BAP1: variants seen among roughly 807,000 people sequenced by gnomAD.
The protein encoded by BAP1 is ubiquitin carboxyl-terminal hydrolase BAP1.
BAP1 carries 16 observed loss-of-function variants against 77.2 expected under a neutral mutation model. The observed-to-expected ratio is 0.21, with a 90% CI of 0.14 to 0.31. BAP1 has a LOEUF of 0.31. Among genes scored for constraint, BAP1 ranks in the 10% least tolerant of loss-of-function variants. The pLI, the probability that BAP1 is intolerant of heterozygous loss-of-function variation, is 1.00. For synonymous variants in BAP1, 362 were observed against 385.2 expected (o/e 0.94, Z 0.71); for missense variants, 699 against 967.3 (o/e 0.72, Z 3.68).
chr3:52,409,827 C>G lies in BAP1; in HGVS notation c.37+15G>C, dbSNP rs772162010. The G allele has an allele frequency of 5.6e-6, 9 of 1,612,610 alleles. No individual in the cohort carries two copies. The South Asian group carries it at 6.6e-5, about 12-fold the overall frequency. On this transcript the variant is annotated intron_variant, in intron 1 of 16. Coordinates refer to ENST00000460680, the MANE Select transcript of BAP1 (RefSeq NM_004656.4). ...CGGCCTCCCCAGCCCCTGGCCCTCC[C>G]GGTCCCCTCCTCACCTGGGTCGCTC...
rs758650064 is a variant in BAP1 at position 52,406,840 on chromosome 3, G to A, written c.648C>T (p.Leu216=). 42 of 1,557,918 alleles carry A rather than the reference G, an allele frequency of 2.7e-5. No individual in the cohort carries two copies. The highest frequency in any genetic ancestry group is 9.5e-5 in the African/African-American group (7 of 73,438). The part of the protein sequence containing the change: ...ARRVIMERIG[L]ATAGEPYHDI... The stretch of plus-strand genomic sequence containing the variant: ...CACAGGGCCCTTACCCTGCAGTGGC[G>A]AGGCCGATACGCTCCATGATGACCC... The change falls in exon 8 of 17, where the codon CTC becomes CTT. Residue 216 remains leucine, a synonymous_variant. Coordinates refer to ENST00000460680, the MANE Select transcript of BAP1 (RefSeq NM_004656.4). The surrounding 1 kb of genome is among the most constrained non-coding windows in gnomAD (Gnocchi z 4.6).
At chr3:52,407,541 C>T in intron 5 of BAP1, 81 bp from the exon 6 acceptor site, 1 of 1,580,482 alleles carries the variant, frequency 6.3e-7, no homozygotes. Context: ...CTTCAGAGAG[C>T]AGCCTGGAGG....
At position 52,407,476 on chromosome 3, in the gene BAP1, T is replaced by C. The variant is rs967185176; in HGVS notation, c.376-16A>G. 1 of 1,613,956 alleles carries C rather than the reference T, an allele frequency of 6.2e-7. No individual in the cohort carries two copies. Among genetic ancestry groups the C allele is most frequent in the Non-Finnish European group, 8.5e-7 (1 of 1,179,994 alleles). On this transcript the variant is annotated splice_polypyrimidine_tract_variant and intron_variant, in intron 5 of 16. Coordinates refer to ENST00000460680, the MANE Select transcript of BAP1 (RefSeq NM_004656.4). ...ATCCTTTGCTCTACGGGGAAGAAAA[T>C]AAGGCCGTATCAGAATAATTTCTCC...
rs897581064 is a variant in BAP1, at chr3:52,406,950, G to A, written c.581-43C>T. On this transcript the variant is annotated intron_variant, in intron 7 of 16. Transcript: ENST00000460680. This position sits in a 1 kb window ranked among gnomAD's most constrained non-coding sequence, Gnocchi z 4.6. ...AAGGAATCAGCGAGAAGGAAACCCT[G>A]AGTTTGGGCAGGCCAGGAGTGGGAA... The A allele has an allele frequency of 1.3e-6, 2 of 1,552,188 alleles. No homozygotes were observed. Among genetic ancestry groups the A allele is most frequent in the Non-Finnish European group, 1.7e-6 (2 of 1,145,164 alleles).
chr3:52,409,831 C>T lies in BAP1; in HGVS notation c.37+11G>A, dbSNP rs371197982. ...CTCCCCAGCCCCTGGCCCTCCCGGTCCCCTCCTCACCTGGGTCGCTCTCCA... is the reference window on the plus strand; with the variant it reads ...CTCCCCAGCCCCTGGCCCTCCCGGTTCCCTCCTCACCTGGGTCGCTCTCCA... On this transcript the variant is annotated intron_variant, in intron 1 of 16. Transcript: ENST00000460680. 2.5e-6 allele frequency: 4 copies of T among 1,612,388 alleles called. No individual in the cohort carries two copies. In the African/African-American group the frequency reaches 5.3e-5, roughly 22 times the overall value.
rs1705152342 is a variant in BAP1, at chr3:52,406,218, G to A, written c.783+35C>T. ...AGGGAGGAGGAATGCAGGGAGGGTT[G>A]GGCTGGGCAGAGGCCAGGAAGAAAG... On this transcript the variant is annotated intron_variant, in intron 9 of 16. Coordinates refer to ENST00000460680, the MANE Select transcript of BAP1 (RefSeq NM_004656.4). The surrounding 1 kb of genome is among the most constrained non-coding windows in gnomAD (Gnocchi z 4.6). The A allele has an allele frequency of 6.2e-7, 1 of 1,613,822 alleles. No homozygotes were observed. Among genetic ancestry groups the A allele is most frequent in the Non-Finnish European group, 8.5e-7 (1 of 1,179,944 alleles).
rs2153226490 is a variant in BAP1, at chr3:52,403,244, G to C, written c.1784C>G (p.Ser595Cys). 1 of 1,614,104 alleles carries C rather than the reference G, an allele frequency of 6.2e-7. No individual in the cohort carries two copies. Among genetic ancestry groups the C allele is most frequent in the Non-Finnish European group, 8.5e-7 (1 of 1,180,022 alleles). ...GACCTCCTTCTCCACTGGGCTGCTG[G>C]ACCCCTGGCTGCCTTGGATTGGTCT... is the stretch of plus-strand genomic sequence containing the variant. ...SIRPIQGSQG[S>C]SSPVEKEVVE... is the part of the protein sequence containing the mutation. The change falls in exon 14 of 17, where the codon TCC (serine) becomes TGC (cysteine). Residue 595 changes from serine (S) to cysteine (C), a missense_variant. This residue lies in a region of BAP1 where 475 missense variants were observed against 532.4 expected (regional missense o/e 0.89). Coordinates refer to ENST00000460680, the MANE Select transcript of BAP1 (RefSeq NM_004656.4). The surrounding 1 kb of genome is among the most constrained non-coding windows in gnomAD (Gnocchi z 4.0).
Position 52,406,680 on chromosome 3 carries a change from G to A in BAP1, c.659+149C>T. On this transcript the variant is annotated intron_variant, in intron 8 of 16. Transcript: ENST00000460680. This position sits in a 1 kb window ranked among gnomAD's most constrained non-coding sequence, Gnocchi z 4.6. ...CACAGGCAGCCCAGGCAGGAAATAA[G>A]ACAACAAGTTGAGAACCCATGATCT... is the stretch of plus-strand genomic sequence containing the variant. 2.0e-6 allele frequency: 2 copies of A among 1,025,354 alleles called. No individual in the cohort carries two copies. The highest frequency in any genetic ancestry group is 2.9e-6 in the Non-Finnish European group (2 of 690,446). The allele number at this position is 1,025,354 out of a possible 1,614,324, so 63.5% of individuals were successfully genotyped here. A position where few individuals can be genotyped will look rare whatever the true frequency, so the allele number is the denominator to read the frequency against.
At position 52,409,623 on chromosome 3, in the gene BAP1, G is replaced by C. The variant is rs141802003; in HGVS notation, c.68-15C>G. ...CCCCTTGACACCTGCGATGAGGAAA[G>C]GAAAGCAGTAGGGAAGGACAGCCCC... On this transcript the variant is annotated splice_polypyrimidine_tract_variant and intron_variant, in intron 2 of 16. Coordinates refer to ENST00000460680, the MANE Select transcript of BAP1 (RefSeq NM_004656.4). 1.2e-6 allele frequency: 2 copies of C among 1,614,208 alleles called. No homozygotes were observed. The highest frequency in any genetic ancestry group is 1.7e-6 in the Non-Finnish European group (2 of 1,180,034).
chr3:52,406,997 G>C lies in BAP1; in HGVS notation c.581-90C>G. 6.7e-7 allele frequency: 1 copy of C among 1,496,694 alleles called. No individual in the cohort carries two copies. Among genetic ancestry groups the C allele is most frequent in the South Asian group, 1.2e-5 (1 of 83,640 alleles). 92.7% of individuals were successfully genotyped at this position (1,496,694 alleles called of 1,614,324 possible). ...GGAAGGAAGACAGAGAAGAGCAGTT[G>C]AGCCAGGGAATCAGGAGCTGGTCGG... is the stretch of plus-strand genomic sequence containing the variant. On this transcript the variant is annotated intron_variant, in intron 7 of 16. Transcript: ENST00000460680. This position sits in a 1 kb window ranked among gnomAD's most constrained non-coding sequence, Gnocchi z 4.6.
At chr3:52,405,600 C>T in intron 10 of BAP1, 165 bp downstream of exon 10, 2 of 1,052,126 alleles carry the variant, frequency 1.9e-6, no homozygotes, top group Non-Finnish European at 2.7e-6. Flanking sequence ...CGGCCCTTTA[C>T]AGGTGCCTTT....
At chr3:52,405,492 G>GAAA (rs71084182) in intron 10 of BAP1, 198 bp from the exon 11 acceptor site, 462 of 80,662 alleles carry the variant, frequency 5.7e-3, no homozygotes, top group South Asian at 0.018. Context: ...GAAGCAGGAA[G>GAAA]AAAAAAAAAA....
chr3:52,401,904 A>C lies in BAP1; in HGVS notation c.*384T>G. 1 of 379,526 alleles carries C rather than the reference A, an allele frequency of 2.6e-6. No homozygotes were observed. The highest frequency in any genetic ancestry group is 4.9e-6 in the Non-Finnish European group (1 of 203,804). The allele number at this position is 379,526 out of a possible 1,614,324, so 23.5% of individuals were successfully genotyped here. The stretch of plus-strand genomic sequence containing the variant: ...GGACAGCTCCTAGGAGAGAAAGCAT[A>C]GTCAGGTAGGAACTTATGTCAACAT... On this transcript the variant is annotated 3_prime_UTR_variant, in exon 17 of 17. Transcript: ENST00000460680.
rs1705169613 is a variant in BAP1 at position 52,406,704 on chromosome 3, C to T, written c.659+125G>A. On this transcript the variant is annotated intron_variant, in intron 8 of 16. Transcript: ENST00000460680. The surrounding 1 kb of genome is among the most constrained non-coding windows in gnomAD (Gnocchi z 4.6). ...AGACAACAAGTTGAGAACCCATGAT[C>T]TAAGCCTGATCTTGCCAGATTCACC... 1.7e-5 allele frequency: 20 copies of T among 1,183,032 alleles called. No homozygotes were observed. Among genetic ancestry groups the T allele is most frequent in the Non-Finnish European group, 2.4e-5 (20 of 823,184 alleles). 73.3% of individuals were successfully genotyped at this position (1,183,032 alleles called of 1,614,324 possible). A position where few individuals can be genotyped will look rare whatever the true frequency, so the allele number is the denominator to read the frequency against.
In BAP1 at chr3:52,409,709, C is replaced by G. The variant is rs1033651300; in HGVS notation, c.67+5G>C. On this transcript the variant is annotated splice_donor_5th_base_variant and intron_variant, in intron 2 of 16. Transcript: ENST00000460680. ...CCCGGTCCGGCAGGGAGAAAAGGCT[C>G]TTACCGAAATCTTCCACGAGCAGGG... 1.5e-5 allele frequency: 24 copies of G among 1,614,030 alleles called. No individual in the cohort carries two copies. The highest frequency in any genetic ancestry group is 2.0e-5 in the Non-Finnish European group (24 of 1,180,032).
intron 5 of BAP1, 107 bp downstream of exon 5, chr3:52,407,851 A>G (rs2153228044): frequency 6.6e-7 from 1 of 1,525,640 alleles, no homozygotes; most frequent in Non-Finnish European, 9.0e-7. Context: ...CATTTGAAAA[A>G]GAAACAGCCT....
At position 52,406,440 on chromosome 3, in the gene BAP1, G is replaced by C. The variant is rs2153227544; in HGVS notation, c.660-64C>G. ...CCGGCCCCGCCATCAGGTTGAGGCA[G>C]ATATCCTGGCAGGGCTCCCTGCAGT... On this transcript the variant is annotated intron_variant, in intron 8 of 16. Transcript: ENST00000460680. The surrounding 1 kb of genome is among the most constrained non-coding windows in gnomAD (Gnocchi z 4.6). The C allele has an allele frequency of 6.2e-7, 1 of 1,604,590 alleles. No individual in the cohort carries two copies.
intron 4 of BAP1, 146 bp from the exon 5 acceptor site, chr3:52,408,223 A>G: frequency 7.0e-7 from 1 of 1,420,698 alleles, no homozygotes; most frequent in South Asian, 1.2e-5. Context: ...CCTAATGTTT[A>G]TTCATTTAAC....
rs1041117929 is a variant in BAP1 at position 52,408,537 on chromosome 3, G to A, written c.192C>T (p.Thr64=). 3 of 1,612,320 alleles carry A rather than the reference G, an allele frequency of 1.9e-6. No individual in the cohort carries two copies. The highest frequency in any genetic ancestry group is 2.5e-6 in the Non-Finnish European group (3 of 1,179,274). ...CAATCACGGACGTATCATCCACCAA[G>A]GTAGAGACCTTTCGCCGGGACCGGC... ...EERRSRRKVS[T]LVDDTSVIDD... The change falls in exon 4 of 17, where the codon ACC becomes ACT. Residue 64 remains threonine, a synonymous_variant. Transcript: ENST00000460680.
Sources: gnomAD v4.1 joint callset for allele counts on GRCh38, gnomAD v4.1.1 for gene constraint, gnomAD v4.1.1 regional missense constraint, Gnocchi (gnomAD v3.1) non-coding constraint, MANE v1.5 for transcripts, NCBI Gene and HGNC (gene_info 2026-07-23, HGNC 2026-07-21) for gene names.